Variants in CCDC80 observed in about 807,000 individuals in gnomAD.
CCDC80 encodes the protein coiled-coil domain containing 80.
CCDC80 carries 49 observed loss-of-function variants against 78.7 expected under a neutral mutation model. That is an observed-to-expected ratio of 0.62 (90% CI 0.50 to 0.79). The LOEUF is 0.79. CCDC80 is among the 30% of genes least tolerant of loss of function. The probability of loss-of-function intolerance (pLI) is 0.00; values close to 1 mark genes in which losing one functional copy is unlikely to be tolerated. For missense variants in CCDC80, 1,205 were observed against 1,198.6 expected (o/e 1.01, Z -0.08); for synonymous variants, 488 against 447.0 (o/e 1.09, Z -1.16).
intron 5 of CCDC80, 89 bp from the exon 6 acceptor site, chr3:112,610,170 T>C (rs1276178188): frequency 1.8e-6 from 2 of 1,096,374 alleles, no homozygotes. Context: ...AGGCTAGCAA[T>C]TTTTTTCTGT....
intron 4 of CCDC80, among the ~76,000 whole-genome samples, chr3:112,617,748 C>T (rs1408568153): frequency 1.3e-5 from 2 of 152,194 alleles, no homozygotes; most frequent in Non-Finnish European, 2.9e-5. Context: ...ATATGAATGA[C>T]TTTTTCATGA....
chr3:112,616,192 G>A (rs4290780), intron 5 of CCDC80, among the ~76,000 whole-genome samples: 128,202 of 152,066 alleles, frequency 0.84, 54,315 homozygotes, highest in East Asian at 0.89. Flanking sequence ...CGAAAAATTC[G>A]TGAAACTGGG....
At chr3:112,607,310 T>G in intron 6 of CCDC80, 54 bp from the exon 7 acceptor site, 1 of 1,354,540 alleles carries the variant, frequency 7.4e-7, no homozygotes, top group South Asian at 1.3e-5. Flanking sequence ...AAGTTATCTT[T>G]TACTTCAAAG....
intron 2 of CCDC80, among the ~76,000 whole-genome samples, chr3:112,637,512 G>C (rs1054524254): frequency 6.6e-6 from 1 of 152,184 alleles, no homozygotes; most frequent in Admixed American, 6.5e-5. Context: ...TGTTGATATA[G>C]AGCTAATTAG....
intron 5 of CCDC80, among the ~76,000 whole-genome samples, chr3:112,611,584 T>G (rs1393016122): frequency 6.6e-6 from 1 of 152,208 alleles, no homozygotes; most frequent in African/African-American, 2.4e-5. Context: ...TAAGAGGCAT[T>G]ACCAAAATAC....
chr3:112,633,005 G>A (rs140683683), intron 2 of CCDC80, among the ~76,000 whole-genome samples: 11 of 152,258 alleles, frequency 7.2e-5, no homozygotes, highest in Non-Finnish European at 1.3e-4. Context: ...CTGTCATTTC[G>A]GTCCTAGTTC....
chr3:112,625,195 C>T (rs11712917), intron 3 of CCDC80, among the ~76,000 whole-genome samples: 62,057 of 152,034 alleles, frequency 0.41, 15,135 homozygotes, highest in Non-Finnish European at 0.54. Context: ...CAATACTACC[C>T]TATACTGATA....
intron 2 of CCDC80, among the ~76,000 whole-genome samples, chr3:112,631,719 T>C (rs1177352291): frequency 6.6e-6 from 1 of 152,204 alleles, no homozygotes; most frequent in East Asian, 1.9e-4. Flanking sequence ...AGCTTGATCC[T>C]GCTGTTTATT....
Position 112,639,062 on chromosome 3 carries a change from T to C in CCDC80, c.844A>G (p.Lys282Glu). 6.2e-7 allele frequency: 1 copy of C among 1,612,872 alleles called. No homozygotes were observed. Among genetic ancestry groups the C allele is most frequent in the Admixed American group, 1.7e-5 (1 of 60,022 alleles). Residue 282 changes from lysine (K) to glutamate (E), a missense_variant, in exon 2 of 8, where the codon AAG becomes GAG. Lys to Glu is a moderately conservative substitution (Grantham distance 56). Transcript: ENST00000206423. Reference sequence around the variant, plus strand: ...ACCTGGCCCTCTACACCAGAGGCCTTACATTTCTGGACAAAGCCCTTCTGC... The same window carrying C: ...ACCTGGCCCTCTACACCAGAGGCCTCACATTTCTGGACAAAGCCCTTCTGC... ...IRQKGFVQKC[K>E]ASGVEGQVVA...
At position 112,604,406 on chromosome 3, in the gene CCDC80, A is replaced by G. The variant is rs969241240; in HGVS notation, c.*1011T>C. The G allele has an allele frequency of 3.9e-5, 6 of 152,372 alleles. No individual in the cohort carries two copies. In the East Asian group the frequency reaches 1.2e-3, roughly 29 times the overall value. 9.4% of individuals were successfully genotyped at this position (152,372 alleles called of 1,614,324 possible). A position where few individuals can be genotyped will look rare whatever the true frequency, so the allele number is the denominator to read the frequency against. The stretch of plus-strand genomic sequence containing the variant: ...CCCTGATCATTCAGCAGCCATCAAC[A>G]TCAATGCAAAAAGATTATGATCATT... On this transcript the variant is annotated 3_prime_UTR_variant, in exon 8 of 8. Coordinates refer to ENST00000206423, the MANE Select transcript of CCDC80 (RefSeq NM_199511.3).
chr3:112,611,016 C>T (rs534286084), intron 5 of CCDC80, among the ~76,000 whole-genome samples: 2 of 149,654 alleles, frequency 1.3e-5, no homozygotes, highest in South Asian at 2.1e-4. Flanking sequence ...CAGGTTCAAG[C>T]GATTCTCCTG....
At chr3:112,610,715 C>A (rs1935605943) in intron 5 of CCDC80, among the ~76,000 whole-genome samples, 1 of 150,758 alleles carries the variant, frequency 6.6e-6, no homozygotes, top group Non-Finnish European at 1.5e-5. Flanking sequence ...CCAATGCTTA[C>A]AAAGTACTTC....
Position 112,603,501 on chromosome 3 carries a change from C to T in CCDC80, c.*1916G>A, listed in dbSNP as rs1303983350. 2 of 145,826 alleles carry T rather than the reference C, an allele frequency of 1.4e-5. No individual in the cohort carries two copies. Among genetic ancestry groups the T allele is most frequent in the African/African-American group, 2.5e-5 (1 of 39,480 alleles). 9.0% of individuals were successfully genotyped at this position (145,826 alleles called of 1,614,324 possible). On this transcript the variant is annotated 3_prime_UTR_variant, in exon 8 of 8. Transcript: ENST00000206423. Reference sequence around the variant, plus strand: ...CTGCACTCCAGCCTGGGTGACAGAGCGAGACTCCATCTCGAAAAAAATATA... The same window carrying T: ...CTGCACTCCAGCCTGGGTGACAGAGTGAGACTCCATCTCGAAAAAAATATA...
chr3:112,630,782 A>G (rs1936081684), intron 2 of CCDC80, among the ~76,000 whole-genome samples: 1 of 152,206 alleles, frequency 6.6e-6, no homozygotes, highest in African/African-American at 2.4e-5. Context: ...CTCTTATTAG[A>G]AAACCTTGCA....
intron 3 of CCDC80, among the ~76,000 whole-genome samples, chr3:112,625,499 T>G (rs190200152): frequency 6.6e-6 from 1 of 152,310 alleles, no homozygotes; most frequent in Admixed American, 6.5e-5. Flanking sequence ...GAACAAAATA[T>G]TGAAAATAGT....
At chr3:112,609,808 C>T (rs1157016321) in intron 6 of CCDC80, among the ~76,000 whole-genome samples, 170 bp downstream of exon 6, 3 of 152,056 alleles carry the variant, frequency 2.0e-5, no homozygotes, top group African/African-American at 4.8e-5. Flanking sequence ...TTGACTAAAG[C>T]TCCAGTCTAA....
rs11712849 is a variant in CCDC80, at chr3:112,600,637, G to A, written c.*4780C>T. 0.05 allele frequency: 7,553 copies of A among 152,356 alleles called. 262 individuals carry two copies. Among genetic ancestry groups the A allele is most frequent in the Non-Finnish European group, 0.078 (5,297 of 68,168 alleles). 9.4% of individuals were successfully genotyped at this position (152,356 alleles called of 1,614,324 possible). ...TCACTTCAGCCTCCTGAATAGCTGG[G>A]ACCACAGACACACACCACCTTACCC... On this transcript the variant is annotated 3_prime_UTR_variant, in exon 8 of 8. Transcript: ENST00000206423.
At chr3:112,635,035 G>T (rs1271850218) in intron 2 of CCDC80, among the ~76,000 whole-genome samples, 1 of 152,186 alleles carries the variant, frequency 6.6e-6, no homozygotes, top group Non-Finnish European at 1.5e-5. Context: ...TTTAGAGGCA[G>T]GAGGTTTGAA....
In CCDC80 at chr3:112,598,233, A is replaced by C. The variant is rs1222501525; in HGVS notation, c.*7184T>G. ...GAATTTACTCTTTAACATTTGGGGG[A>C]AGGAAAATGAGGCTTGTCTACAGCA... On this transcript the variant is annotated 3_prime_UTR_variant, in exon 8 of 8. Transcript: ENST00000206423. The C allele has an allele frequency of 6.6e-6, 1 of 152,182 alleles. No individual in the cohort carries two copies. Among genetic ancestry groups the C allele is most frequent in the Non-Finnish European group, 1.5e-5 (1 of 68,050 alleles). 9.4% of individuals were successfully genotyped at this position (152,182 alleles called of 1,614,324 possible).
Sources: allele counts gnomAD v4.1 joint callset (sites outside exome capture counted in the v4.1 genomes callset), GRCh38; gene constraint gnomAD v4.1.1; transcripts MANE v1.5; gene names NCBI Gene and HGNC (gene_info 2026-07-23, HGNC 2026-07-21).